Variants in SEPTIN5 observed in about 807,000 individuals in gnomAD.
The protein encoded by SEPTIN5 is septin 5, also known as septin-5.
Under a neutral mutation model 51.2 loss-of-function variants are expected in SEPTIN5, and 16 were observed. That is an observed-to-expected ratio of 0.31 (90% CI 0.21 to 0.47). The LOEUF is 0.47. Among genes scored for constraint, SEPTIN5 ranks in the 20% least tolerant of loss-of-function variants. The pLI, the probability that SEPTIN5 is intolerant of heterozygous loss-of-function variation, is 0.99. For synonymous variants in SEPTIN5, 208 were observed against 191.2 expected (o/e 1.09, Z -0.72); for missense variants, 376 against 500.3 (o/e 0.75, Z 2.37).
In SEPTIN5 at chr22:19,714,537, C is replaced by G; in HGVS notation, c.-52C>G. On this transcript the variant is annotated 5_prime_UTR_variant, in exon 1 of 12. Coordinates refer to ENST00000455784, the MANE Select transcript of SEPTIN5 (RefSeq NM_002688.6). The surrounding 1 kb of genome is among the most constrained non-coding windows in gnomAD (Gnocchi z 5.2). ...CCCGGCCTCGGCCTCCGCCGCTTGT[C>G]GTCGCGCCCCGCCCGCGAGCCCGCC... The G allele has an allele frequency of 7.8e-7, 1 of 1,290,286 alleles. No individual in the cohort carries two copies. The highest frequency in any genetic ancestry group is 9.9e-7 in the Non-Finnish European group (1 of 1,012,726). The allele number at this position is 1,290,286 out of a possible 1,614,324, so 79.9% of individuals were successfully genotyped here.
intron 2 of SEPTIN5, chr22:19,718,694 G>C: frequency 7.9e-7 from 1 of 1,271,384 alleles, no homozygotes; most frequent in Non-Finnish European, 9.9e-7. Flanking sequence ...GCCTGACCGG[G>C]CCTGGGGTCC....
Position 19,722,442 on chromosome 22 carries a change from G to C in SEPTIN5, c.1068G>C (p.Gln356His). The C allele has an allele frequency of 6.2e-7, 1 of 1,602,312 alleles. No homozygotes were observed. The highest frequency in any genetic ancestry group is 8.5e-7 in the Non-Finnish European group (1 of 1,174,794). Reference sequence around the variant, plus strand: ...TCCGCCCGCAGCTGAGGCGCATGCAGGAGATGCTGCAGAGGATGAAGCAGC... The same window carrying C: ...TCCGCCCGCAGCTGAGGCGCATGCACGAGATGCTGCAGAGGATGAAGCAGC... Reference protein sequence around the residue: ...RMKDEELRRMQEMLQRMKQQM... With the variant: ...RMKDEELRRMHEMLQRMKQQM... Residue 356 changes from glutamine to histidine, a missense_variant, in exon 12 of 12, where the codon CAG becomes CAC. Gln to His is a conservative substitution (Grantham distance 24, BLOSUM62 0). Coordinates refer to ENST00000455784, the MANE Select transcript of SEPTIN5 (RefSeq NM_002688.6).
Position 19,714,833 on chromosome 22 carries a change from G to T in SEPTIN5, c.54+42G>T. On this transcript the variant is annotated intron_variant, in intron 2 of 11. Transcript: ENST00000455784. This position sits in a 1 kb window ranked among gnomAD's most constrained non-coding sequence, Gnocchi z 5.2. ...GCTCCCCCGCCGGGAGACCCGGCCGGCTGTCACCCATTGTGACACTAGCGC... is the reference window on the plus strand; with the variant it reads ...GCTCCCCCGCCGGGAGACCCGGCCGTCTGTCACCCATTGTGACACTAGCGC... 6.3e-7 allele frequency: 1 copy of T among 1,588,628 alleles called. No homozygotes were observed. Among genetic ancestry groups the T allele is most frequent in the Middle Eastern group, 1.7e-4 (1 of 5,748 alleles).
chr22:19,714,774 C>A lies in SEPTIN5; in HGVS notation c.44-7C>A, dbSNP rs776970540. ...ACCCGGACTCGACCCCGACCCCGAC[C>A]CCGCAGAGGACAAGCAGGTACGTGC... On this transcript the variant is annotated splice_polypyrimidine_tract_variant and splice_region_variant and intron_variant, in intron 1 of 11. Transcript: ENST00000455784. The surrounding 1 kb of genome is among the most constrained non-coding windows in gnomAD (Gnocchi z 5.2). The A allele has an allele frequency of 1.3e-6, 2 of 1,595,312 alleles. No homozygotes were observed. Among genetic ancestry groups the A allele is most frequent in the Non-Finnish European group, 1.7e-6 (2 of 1,176,694 alleles).
Position 19,722,504 on chromosome 22 carries a change from G to A in SEPTIN5, c.*20G>A. 1 of 1,578,504 alleles carries A rather than the reference G, an allele frequency of 6.3e-7. No homozygotes were observed. Among genetic ancestry groups the A allele is most frequent in the South Asian group, 1.1e-5 (1 of 87,028 alleles). Reference sequence around the variant, plus strand: ...CAGTGACGCTCGCCGCGGACACACCGTCCGTCTCCGGGACGCCCTCGCACC... The same window carrying A: ...CAGTGACGCTCGCCGCGGACACACCATCCGTCTCCGGGACGCCCTCGCACC... On this transcript the variant is annotated 3_prime_UTR_variant, in exon 12 of 12. Transcript: ENST00000455784.
intron 2 of SEPTIN5, chr22:19,717,676 T>C: frequency 3.6e-6 from 1 of 278,988 alleles, no homozygotes; most frequent in Middle Eastern, 1.3e-3. Flanking sequence ...CTGTCCACCC[T>C]AAGCCTCCTA....
chr22:19,722,842 C>T lies in SEPTIN5; in HGVS notation c.*358C>T. ...GGATTCCCAGGATCCTGGGTCTGTT[C>T]CCTGCCCCAGTGCTGCAGAACGGAC... is the stretch of plus-strand genomic sequence containing the variant. On this transcript the variant is annotated 3_prime_UTR_variant, in exon 12 of 12. Transcript: ENST00000455784. 1 of 465,958 alleles carries T rather than the reference C, an allele frequency of 2.1e-6. No homozygotes were observed. Among genetic ancestry groups the T allele is most frequent in the South Asian group, 2.1e-5 (1 of 46,738 alleles). The allele number at this position is 465,958 out of a possible 1,614,324, so 28.9% of individuals were successfully genotyped here. A position where few individuals can be genotyped will look rare whatever the true frequency, so the allele number is the denominator to read the frequency against.
chr22:19,719,501 C>A, intron 2 of SEPTIN5, 101 bp from the exon 3 acceptor site: 1 of 945,962 alleles, frequency 1.1e-6, no homozygotes, highest in Admixed American at 2.4e-5. Flanking sequence ...CCCTGGGAAC[C>A]GTACCCTCTG....
rs376629948 is a variant in SEPTIN5 at position 19,719,899 on chromosome 22, G to A, written c.238+7G>A. 4 of 1,612,358 alleles carry A rather than the reference G, an allele frequency of 2.5e-6. No homozygotes were observed. In the African/African-American group the frequency reaches 5.3e-5, roughly 22 times the overall value. On this transcript the variant is annotated splice_region_variant and intron_variant, in intron 4 of 11. Coordinates refer to ENST00000455784, the MANE Select transcript of SEPTIN5 (RefSeq NM_002688.6). The stretch of plus-strand genomic sequence containing the variant: ...AAGCTGCTCAGTGCTGAGGGTGAGT[G>A]GCCCCCAGGAGGCCCTGGCACTGAT...
intron 2 of SEPTIN5, among the ~76,000 whole-genome samples, chr22:19,716,514 C>T (rs917261993): frequency 3.3e-5 from 5 of 152,176 alleles, no homozygotes; most frequent in Admixed American, 6.5e-5. Flanking sequence ...AGGAGATGGG[C>T]GCAGCTGTGT....
At chr22:19,718,796 C>A in intron 2 of SEPTIN5, 8 of 1,237,540 alleles carry the variant, frequency 6.5e-6, no homozygotes, top group Non-Finnish European at 8.1e-6. Flanking sequence ...TCGCCGCGGA[C>A]CCAGGCCCAG....
intron 10 of SEPTIN5, 114 bp downstream of exon 10, chr22:19,722,071 G>GC (rs34482134): frequency 0.026 from 33,225 of 1,262,308 alleles, 320 homozygotes; most frequent in African/African-American, 0.08. Context: ...CATTCCCTAA[G>GC]CCCCCCCCCT....
In SEPTIN5 at chr22:19,714,538, G is replaced by A; in HGVS notation, c.-51G>A. 2.3e-6 allele frequency: 3 copies of A among 1,299,652 alleles called. No individual in the cohort carries two copies. The highest frequency in any genetic ancestry group is 3.9e-5 in the South Asian group (2 of 51,222). 80.5% of individuals were successfully genotyped at this position (1,299,652 alleles called of 1,614,324 possible). ...CCGGCCTCGGCCTCCGCCGCTTGTC[G>A]TCGCGCCCCGCCCGCGAGCCCGCCC... On this transcript the variant is annotated 5_prime_UTR_variant, in exon 1 of 12. Transcript: ENST00000455784. The surrounding 1 kb of genome is among the most constrained non-coding windows in gnomAD (Gnocchi z 5.2).
At position 19,719,832 on chromosome 22, in the gene SEPTIN5, C is replaced by T. The variant is rs750433149; in HGVS notation, c.178C>T (p.Leu60=). The stretch of plus-strand genomic sequence containing the variant: ...TGAGTCAGGCCTGGGGAAGTCCACA[C>T]TGGTCCACAGCCTCTTCCTGACAGA... ...AGESGLGKST[L]VHSLFLTDLY... Residue 60 remains leucine (L), a synonymous_variant, in exon 4 of 12, where the codon CTG becomes TTG. Transcript: ENST00000455784. The T allele has an allele frequency of 1.2e-5, 19 of 1,613,000 alleles. No individual in the cohort carries two copies. Among genetic ancestry groups the T allele is most frequent in the Non-Finnish European group, 1.6e-5 (19 of 1,179,962 alleles).
intron 2 of SEPTIN5, chr22:19,718,931 T>A: frequency 8.3e-6 from 9 of 1,087,056 alleles, no homozygotes; most frequent in Non-Finnish European, 1.0e-5. Flanking sequence ...GCTCAGCCCT[T>A]CCCTCCGCAG....
chr22:19,721,623 C>T lies in SEPTIN5; in HGVS notation c.718-17C>T, dbSNP rs769130771. The T allele has an allele frequency of 6.2e-7, 1 of 1,612,440 alleles. No homozygotes were observed. Among genetic ancestry groups the T allele is most frequent in the South Asian group, 1.1e-5 (1 of 91,078 alleles). ...TTACGCTCACCGGGTGTGAGCCTTT[C>T]TCCCTCCTTCCCCCAGGAGAGCGCG... On this transcript the variant is annotated splice_polypyrimidine_tract_variant and intron_variant, in intron 8 of 11. Transcript: ENST00000455784.
chr22:19,722,480 A>G lies in SEPTIN5; in HGVS notation c.1106A>G (p.Gln369Arg), dbSNP rs746866536. Residue 369 changes from glutamine to arginine, a missense_variant, in exon 12 of 12, where the codon CAG (glutamine) becomes CGG (arginine). Gln to Arg is a conservative substitution (Grantham distance 43, BLOSUM62 1). Coordinates refer to ENST00000455784, the MANE Select transcript of SEPTIN5 (RefSeq NM_002688.6). ...AGGATGAAGCAGCAGATGCAGGACC[A>G]GTGACGCTCGCCGCGGACACACCGT... is the stretch of plus-strand genomic sequence containing the variant. ...LQRMKQQMQD[Q>R] The G allele has an allele frequency of 6.3e-7, 1 of 1,596,160 alleles. No individual in the cohort carries two copies. The highest frequency in any genetic ancestry group is 8.5e-7 in the Non-Finnish European group (1 of 1,171,670).
At position 19,721,965 on chromosome 22, in the gene SEPTIN5, C is replaced by T; in HGVS notation, c.950+8C>T. Reference sequence around the variant, plus strand: ...CATCCAGCAGATGACCAGGTGCGCGCCCCAGCCGCGAGCCAGACCTCGCCC... The same window carrying T: ...CATCCAGCAGATGACCAGGTGCGCGTCCCAGCCGCGAGCCAGACCTCGCCC... On this transcript the variant is annotated splice_region_variant and intron_variant, in intron 10 of 11. Coordinates refer to ENST00000455784, the MANE Select transcript of SEPTIN5 (RefSeq NM_002688.6). 6.2e-7 allele frequency: 1 copy of T among 1,601,200 alleles called. No homozygotes were observed. Among genetic ancestry groups the T allele is most frequent in the Non-Finnish European group, 8.5e-7 (1 of 1,174,268 alleles).
chr22:19,715,466 A>C (rs1935899106), intron 2 of SEPTIN5, among the ~76,000 whole-genome samples: 1 of 150,330 alleles, frequency 6.7e-6, no homozygotes, highest in Admixed American at 6.6e-5. Flanking sequence ...GGTGAAACCC[A>C]GCCGAGCTCA....
Sources: allele counts gnomAD v4.1 joint callset (sites outside exome capture counted in the v4.1 genomes callset), GRCh38; gene constraint gnomAD v4.1.1; non-coding constraint Gnocchi (gnomAD v3.1); transcripts MANE v1.5; gene names NCBI Gene and HGNC (gene_info 2026-07-23, HGNC 2026-07-21).